Variants in SNTB1 observed in about 807,000 individuals in gnomAD.
The protein encoded by SNTB1 is syntrophin beta 1.
Under a neutral mutation model 48.9 loss-of-function variants are expected in SNTB1, and 36 were observed. The observed-to-expected ratio is 0.74, with a 90% CI of 0.56 to 0.97. The LOEUF is 0.97. Ranked by LOEUF, SNTB1 falls within the 50% of genes least tolerant of loss-of-function variation. The pLI, the probability that SNTB1 is intolerant of heterozygous loss-of-function variation, is 0.00. For synonymous variants in SNTB1, 299 were observed against 294.6 expected (o/e 1.01, Z -0.15); for missense variants, 786 against 703.4 (o/e 1.12, Z -1.33).
intron 2 of SNTB1, among the ~76,000 whole-genome samples, chr8:120,671,566 CT>C: frequency 6.6e-6 from 1 of 152,318 alleles, no homozygotes; most frequent in East Asian, 1.9e-4. Context: ...AAGGAGGATT[CT>C]TCTCTAGAGG....
intron 4 of SNTB1, among the ~76,000 whole-genome samples, chr8:120,558,246 A>T (rs935341475): frequency 6.6e-6 from 1 of 152,168 alleles, no homozygotes; most frequent in Admixed American, 6.5e-5. Context: ...TAAAAATATG[A>T]CCATCTGTCT....
chr8:120,570,839 C>A (rs1445537021), intron 4 of SNTB1: 1 of 161,276 alleles, frequency 6.2e-6, no homozygotes, highest in South Asian at 1.8e-4. Flanking sequence ...TCCCTTGTTC[C>A]TCTGGTGAGT....
At chr8:120,668,606 A>G (rs1365149477) in intron 2 of SNTB1, among the ~76,000 whole-genome samples, 1 of 152,230 alleles carries the variant, frequency 6.6e-6, no homozygotes, top group Non-Finnish European at 1.5e-5. Flanking sequence ...AACAGGAATC[A>G]GTCCCAAAGG....
chr8:120,771,955 C>T (rs1431769733), intron 1 of SNTB1, among the ~76,000 whole-genome samples: 8 of 150,116 alleles, frequency 5.3e-5, no homozygotes, highest in Non-Finnish European at 4.5e-5. Flanking sequence ...CAACCACCTC[C>T]ACCTCCCGGG....
At chr8:120,670,101 C>CA (rs1817734408) in intron 2 of SNTB1, among the ~76,000 whole-genome samples, 2 of 152,172 alleles carry the variant, frequency 1.3e-5, no homozygotes, top group Admixed American at 6.5e-5. Flanking sequence ...AGTCTATTGT[C>CA]AGACATTTGT....
chr8:120,758,537 C>T (rs72682551), intron 1 of SNTB1, among the ~76,000 whole-genome samples: 1 of 152,282 alleles, frequency 6.6e-6, no homozygotes, highest in Non-Finnish European at 1.5e-5. Context: ...ACTATTTCTC[C>T]AGCTCCATTA....
chr8:120,687,828 A>G (rs1818058452), intron 2 of SNTB1, among the ~76,000 whole-genome samples: 1 of 152,250 alleles, frequency 6.6e-6, no homozygotes, highest in Non-Finnish European at 1.5e-5. Flanking sequence ...TGTGTTGCTC[A>G]TCATAAACAA....
intron 2 of SNTB1, among the ~76,000 whole-genome samples, chr8:120,667,979 C>CTCA (rs142995083): frequency 0.014 from 2,107 of 152,308 alleles, 51 homozygotes; most frequent in African/African-American, 0.048. Flanking sequence ...ACTATTTCTT[C>CTCA]TCATCCTGTG....
At chr8:120,779,915 TTG>T (rs1819804186) in intron 1 of SNTB1, among the ~76,000 whole-genome samples, 1 of 151,934 alleles carries the variant, frequency 6.6e-6, no homozygotes, top group Non-Finnish European at 1.5e-5. Context: ...GATTTGAGGG[TTG>T]TCTGCAAAAA....
At chr8:120,728,728 T>C (rs1380882769) in intron 1 of SNTB1, among the ~76,000 whole-genome samples, 1 of 152,244 alleles carries the variant, frequency 6.6e-6, no homozygotes, top group African/African-American at 2.4e-5. Flanking sequence ...ATTTTCTTTA[T>C]CCTGTCCACC....
chr8:120,775,190 A>G (rs1203233938), intron 1 of SNTB1: 2 of 152,112 alleles, frequency 1.3e-5, no homozygotes, highest in Admixed American at 1.3e-4. Flanking sequence ...TTGAGGGGAG[A>G]AGGGAGATGC....
intron 2 of SNTB1, chr8:120,635,753 CCT>C (rs1587050308): frequency 4.9e-6 from 1 of 203,320 alleles, no homozygotes; most frequent in East Asian, 1.4e-4. Context: ...TTCTCTGTCC[CCT>C]GTTAGTCTTT....
chr8:120,582,687 C>G (rs1443853528), intron 3 of SNTB1, among the ~76,000 whole-genome samples: 1 of 151,918 alleles, frequency 6.6e-6, no homozygotes, highest in African/African-American at 2.4e-5. Context: ...CATGTTCTCA[C>G]TCGTAAGTGG....
At chr8:120,681,262 T>C (rs575148424) in intron 2 of SNTB1, among the ~76,000 whole-genome samples, 7 of 152,324 alleles carry the variant, frequency 4.6e-5, no homozygotes, top group Admixed American at 4.6e-4. Context: ...GCTATTCATG[T>C]TGATCTCCTG....
intron 3 of SNTB1, among the ~76,000 whole-genome samples, chr8:120,623,573 C>T (rs576032780): frequency 1.1e-4 from 16 of 152,328 alleles, no homozygotes; most frequent in South Asian, 4.1e-4. Flanking sequence ...TGGTCCTGCA[C>T]GGCGTGCAGT....
At chr8:120,676,684 G>T (rs1222906773) in intron 2 of SNTB1, among the ~76,000 whole-genome samples, 1 of 152,174 alleles carries the variant, frequency 6.6e-6, no homozygotes, top group African/African-American at 2.4e-5. Context: ...AGAAAAGGTG[G>T]ACAGAGCACA....
chr8:120,719,347 A>T (rs1017990030), intron 1 of SNTB1, among the ~76,000 whole-genome samples: 4 of 152,092 alleles, frequency 2.6e-5, no homozygotes, highest in South Asian at 2.1e-4. Flanking sequence ...GCCCTAAAAC[A>T]TTGGACTTCA....
At chr8:120,742,115 T>C (rs1002555261) in intron 1 of SNTB1, among the ~76,000 whole-genome samples, 6 of 152,090 alleles carry the variant, frequency 3.9e-5, no homozygotes, top group African/African-American at 9.7e-5. Flanking sequence ...TAGGAAATAA[T>C]AGGGCCTCTG....
chr8:120,657,161 T>G (rs1413765391), intron 2 of SNTB1, among the ~76,000 whole-genome samples: 1 of 152,214 alleles, frequency 6.6e-6, no homozygotes, highest in East Asian at 1.9e-4. Flanking sequence ...TATGGTTATT[T>G]TGTTTTAATG....
Sources: allele counts gnomAD v4.1 joint callset (sites outside exome capture counted in the v4.1 genomes callset), GRCh38; gene constraint gnomAD v4.1.1; transcripts MANE v1.5; gene names NCBI Gene and HGNC (gene_info 2026-07-23, HGNC 2026-07-21).